The following MYH7B variants were observed in gnomAD, a reference collection of about 807,000 sequenced individuals.
The protein encoded by MYH7B is myosin heavy chain 7B, also known as myosin-7B.
A neutral mutation model predicts 234.5 loss-of-function variants in MYH7B; 205 were observed. The ratio of observed to expected loss-of-function variants is 0.87; its 90% CI spans 0.78 to 0.98. MYH7B has a LOEUF of 0.98. Ranked by LOEUF, MYH7B falls within the 50% of genes least tolerant of loss-of-function variation. The pLI is 0.00. For synonymous variants in MYH7B, 1,193 were observed against 1,105.0 expected (o/e 1.08, Z -1.58); for missense variants, 2,652 against 2,633.4 (o/e 1.01, Z -0.15).
chr20:34,982,546 C>G, exon 10 of MYH7B: 1 of 1,605,146 alleles, frequency 6.2e-7, no homozygotes, highest in Non-Finnish European at 8.5e-7. Flanking sequence ...ACGGGCCGGG[C>G]AAGAAGGCCG....
At chr20:34,986,858 C>T in intron 14 of MYH7B, 28 bp from the exon 15 acceptor site, 1 of 1,580,448 alleles carries the variant, frequency 6.3e-7, no homozygotes, top group South Asian at 1.1e-5. Flanking sequence ...CACTGCCTGA[C>T]CCTCCCTTCT....
At chr20:34,993,299 G>C in intron 25 of MYH7B, 35 bp from the exon 26 acceptor site, 1 of 1,614,068 alleles carries the variant, frequency 6.2e-7, no homozygotes, top group South Asian at 1.1e-5. Context: ...CGGATGGTTG[G>C]GGGTTACCCT....
rs929764872 is a variant in MYH7B, at chr20:34,984,564, C to T, written c.625-128C>T. ...AGGCCGAGGGGCTGAGGGTGGGGGC[C>T]ATGCATTCCGGTGACTAACTCCACC... On this transcript the variant is annotated intron_variant, in intron 10 of 44. Transcript: ENST00000262873. 6.6e-4 allele frequency: 515 copies of T among 785,716 alleles called. 4 individuals carry two copies. Among genetic ancestry groups the T allele is most frequent in the Non-Finnish European group, 4.0e-5 (19 of 472,126 alleles). The allele number at this position is 785,716 out of a possible 1,614,324, so 48.7% of individuals were successfully genotyped here. A position where few individuals can be genotyped will look rare whatever the true frequency, so the allele number is the denominator to read the frequency against.
chr20:34,994,291 C>T (rs1419407707), exon 27 of MYH7B: 36 of 1,611,574 alleles, frequency 2.2e-5, no homozygotes, highest in Non-Finnish European at 2.7e-5. Context: ...GGCAGAGCTG[C>T]GGGGGTTGCG....
exon 28 of MYH7B, chr20:34,995,445 A>C: frequency 5.6e-6 from 9 of 1,613,690 alleles, no homozygotes; most frequent in Non-Finnish European, 7.6e-6. Flanking sequence ...GAGGATGAGG[A>C]GGAGGTGAAC....
intron 2 of MYH7B, among the ~76,000 whole-genome samples, chr20:34,970,500 G>C (rs929879793): frequency 6.6e-6 from 1 of 152,230 alleles, no homozygotes; most frequent in Non-Finnish European, 1.5e-5. Context: ...GAGATCATCA[G>C]GTGGCCCTGG....
At chr20:35,001,558 G>C in intron 43 of MYH7B, 32 bp downstream of exon 43, 1 of 1,559,694 alleles carries the variant, frequency 6.4e-7, no homozygotes, top group Non-Finnish European at 8.7e-7. Flanking sequence ...CACCTGGACC[G>C]GGCACCCCAG....
intron 24 of MYH7B, among the ~76,000 whole-genome samples, chr20:34,992,718 C>T (rs1479293993): frequency 1.3e-5 from 2 of 151,944 alleles, no homozygotes; most frequent in Non-Finnish European, 2.9e-5. Flanking sequence ...TACAGGCGCC[C>T]GCCACCATGC....
exon 5 of MYH7B, chr20:34,978,028 G>C: frequency 6.2e-7 from 1 of 1,614,102 alleles, no homozygotes; most frequent in Non-Finnish European, 8.5e-7. Flanking sequence ...AGTGAACTTG[G>C]GGAGTCTGCC....
rs1435198214 is a variant in MYH7B, at chr20:34,996,249, A to G, written c.2944-97A>G. On this transcript the variant is annotated intron_variant, in intron 28 of 44. Transcript: ENST00000262873. Reference sequence around the variant, plus strand: ...GAGTCAAGTGACTTGCCTGAGTCCCATAGCTGGAAGGGGCACTTGCTCTGA... The same window carrying G: ...GAGTCAAGTGACTTGCCTGAGTCCCGTAGCTGGAAGGGGCACTTGCTCTGA... 11 of 1,399,028 alleles carry G rather than the reference A, an allele frequency of 7.9e-6. No individual in the cohort carries two copies. The East Asian group carries it at 1.8e-4, about 22-fold the overall frequency. 86.7% of individuals were successfully genotyped at this position (1,399,028 alleles called of 1,614,324 possible).
exon 44 of MYH7B, chr20:35,002,027 T>C (rs1423540794): frequency 1.9e-6 from 3 of 1,613,838 alleles, no homozygotes; most frequent in Non-Finnish European, 2.5e-6. Flanking sequence ...CGGGCAGACA[T>C]GGCGGAAACC....
At chr20:34,990,187 C>T in intron 21 of MYH7B, 41 bp downstream of exon 21, 1 of 1,614,150 alleles carries the variant, frequency 6.2e-7, no homozygotes, top group Non-Finnish European at 8.5e-7. Flanking sequence ...GACAGGGGCC[C>T]ACAGAGCGAC....
exon 38 of MYH7B, chr20:34,999,839 C>T: frequency 1.2e-6 from 2 of 1,612,556 alleles, no homozygotes. Context: ...CCAGCTGGAG[C>T]TCTCCCAGGT....
rs766570424 is a variant in MYH7B at position 34,982,467 on chromosome 20, C to A, written c.536C>A (p.Ser179Ter). 26 of 1,613,666 alleles carry A rather than the reference C, an allele frequency of 1.6e-5. No homozygotes were observed. The highest frequency in any genetic ancestry group is 2.1e-5 in the Non-Finnish European group (25 of 1,179,936). Residue 179 changes from serine (S) to a stop codon, truncating the protein, a stop_gained, in exon 10 of 45, where the codon TCG becomes TAG. Transcript: ENST00000262873. LOFTEE classifies it high-confidence loss of function. ...TGTTTGTGTCGTCCAAGCGGAGAGT[C>A]GGGGGCCGGTAAGACGGTTAACACC...
At position 35,000,832 on chromosome 20, in the gene MYH7B, TGGA is replaced by T. The variant is rs756947586; in HGVS notation, c.5249_5251del (p.Glu1750del). 1.9e-6 allele frequency: 3 copies of T among 1,611,392 alleles called. No individual in the cohort carries two copies. The African/African-American group carries it at 4.1e-5, about 22-fold the overall frequency. On this transcript the variant is annotated inframe_deletion, in exon 40 of 45. Coordinates refer to ENST00000262873, the Ensembl canonical transcript of MYH7B. ...GACTTGGCCCAGCTGAGCGGGGAGG[TGGA>T]GGAGGCTGCACAGGAGAGGCGGGAG...
intron 38 of MYH7B, 51 bp from the exon 39 acceptor site, chr20:35,000,242 G>C: frequency 6.6e-7 from 1 of 1,511,932 alleles, no homozygotes; most frequent in South Asian, 1.3e-5. Flanking sequence ...GCATTTGTAA[G>C]GACAGGTATG....
intron 3 of MYH7B, among the ~76,000 whole-genome samples, chr20:34,976,707 GT>G (rs979338124): frequency 6.6e-6 from 1 of 152,186 alleles, no homozygotes; most frequent in Non-Finnish European, 1.5e-5. Flanking sequence ...TCCAGGGCTG[GT>G]TTTCTTCATG....
exon 35 of MYH7B, chr20:34,998,773 C>A: frequency 1.2e-6 from 2 of 1,613,020 alleles, no homozygotes; most frequent in African/African-American, 2.7e-5. Context: ...CTGTGACCTC[C>A]TGCGGGAGCA....
intron 22 of MYH7B, 129 bp from the exon 23 acceptor site, chr20:34,990,598 CCCATCACCAGA>C: frequency 1.3e-6 from 1 of 796,356 alleles, no homozygotes; most frequent in Non-Finnish European, 2.2e-6. Flanking sequence ...CGAAGGGTCT[CCCATCACCAGA>C]ATGAGAGTGA....
Sources: allele counts gnomAD v4.1 joint callset (sites outside exome capture counted in the v4.1 genomes callset), GRCh38; gene constraint gnomAD v4.1.1; transcripts MANE v1.5; gene names NCBI Gene and HGNC (gene_info 2026-07-23, HGNC 2026-07-21).